Variants in LMAN2 observed in about 807,000 individuals in gnomAD.
LMAN2 encodes lectin, mannose binding 2, also known as vesicular integral-membrane protein VIP36.
A neutral mutation model predicts 39.3 loss-of-function variants in LMAN2; 22 were observed. The ratio of observed to expected loss-of-function variants is 0.56; its 90% CI spans 0.40 to 0.80. The LOEUF (loss-of-function observed/expected upper bound fraction) is 0.80, where lower values mean the gene tolerates loss of function less well. Ranked by LOEUF, LMAN2 falls within the 30% of genes least tolerant of loss-of-function variation. The probability of loss-of-function intolerance (pLI) is 0.00; values close to 1 mark genes in which losing one functional copy is unlikely to be tolerated. For missense variants in LMAN2, 494 were observed against 505.4 expected (o/e 0.98, Z 0.22); for synonymous variants, 207 against 207.8 (o/e 1.00, Z 0.03).
Position 177,337,893 on chromosome 5 carries a change from A to G in LMAN2, c.434-108T>C, listed in dbSNP as rs1761498638. The stretch of plus-strand genomic sequence containing the variant: ...GGGTGGGGGCAAGAGAGCCCAACCC[A>G]CTGGCCATTCACCGAGAGAGAAGGG... On this transcript the variant is annotated intron_variant, in intron 3 of 7. Coordinates refer to ENST00000303127, the MANE Select transcript of LMAN2 (RefSeq NM_006816.3). The surrounding 1 kb of genome is among the most constrained non-coding windows in gnomAD (Gnocchi z 8.2). The G allele has an allele frequency of 4.5e-6, 4 of 880,564 alleles. No homozygotes were observed. The highest frequency in any genetic ancestry group is 1.7e-5 in the African/African-American group (1 of 59,876). 54.5% of individuals were successfully genotyped at this position (880,564 alleles called of 1,614,324 possible).
At chr5:177,333,350 G>T (rs530672775) in intron 7 of LMAN2, among the ~76,000 whole-genome samples, 1 of 152,210 alleles carries the variant, frequency 6.6e-6, no homozygotes, top group African/African-American at 2.4e-5. Context: ...ATCTAAAAAC[G>T]AGTTCATCCT....
intron 2 of LMAN2, among the ~76,000 whole-genome samples, chr5:177,344,346 G>T (rs558515021): frequency 7.4e-6 from 1 of 136,020 alleles, no homozygotes; most frequent in African/African-American, 2.8e-5. Context: ...GTGCAGTGGC[G>T]TGATCTCAGC....
At chr5:177,334,167 G>C in intron 7 of LMAN2, 117 bp downstream of exon 7, 3 of 1,456,758 alleles carry the variant, frequency 2.1e-6, no homozygotes, top group African/African-American at 1.4e-5. Context: ...GCTGATCCAA[G>C]AGCCCAGACC....
chr5:177,340,105 C>T (rs552539019), intron 2 of LMAN2, among the ~76,000 whole-genome samples: 4 of 152,086 alleles, frequency 2.6e-5, no homozygotes, highest in Non-Finnish European at 4.4e-5. Flanking sequence ...CTTACTAAAA[C>T]TGATTCAAAG....
At chr5:177,334,515 C>G in intron 6 of LMAN2, 112 bp from the exon 7 acceptor site, 1 of 1,446,386 alleles carries the variant, frequency 6.9e-7, no homozygotes, top group South Asian at 1.4e-5. Flanking sequence ...CTGCCAGGCC[C>G]CTGGGGAGAG....
chr5:177,348,521 T>C (rs891820947), intron 2 of LMAN2, among the ~76,000 whole-genome samples: 2 of 151,730 alleles, frequency 1.3e-5, no homozygotes, highest in African/African-American at 4.8e-5. Context: ...ACCTCATCTC[T>C]ACTAAAAATA....
At position 177,332,011 on chromosome 5, in the gene LMAN2, C is replaced by G. The variant is rs1487653833; in HGVS notation, c.*75G>C. On this transcript the variant is annotated 3_prime_UTR_variant, in exon 8 of 8. Transcript: ENST00000303127. This position sits in a 1 kb window ranked among gnomAD's most constrained non-coding sequence, Gnocchi z 6.3. ...TAAGAAATAAGGTCATCTTGTTGTT[C>G]TTTTATAATCCCGGTAAAAAAAAAA... 1.4e-6 allele frequency: 2 copies of G among 1,397,812 alleles called. No individual in the cohort carries two copies. Among genetic ancestry groups the G allele is most frequent in the Non-Finnish European group, 1.9e-6 (2 of 1,028,680 alleles). The allele number at this position is 1,397,812 out of a possible 1,614,324, so 86.6% of individuals were successfully genotyped here.
intron 2 of LMAN2, among the ~76,000 whole-genome samples, chr5:177,340,726 T>C (rs1052937176): frequency 4.0e-5 from 6 of 151,548 alleles, no homozygotes; most frequent in African/African-American, 7.3e-5. Context: ...GCCGAGATTG[T>C]GCCACTGCAT....
At chr5:177,345,489 C>G (rs1054425019) in intron 2 of LMAN2, among the ~76,000 whole-genome samples, 1 of 151,928 alleles carries the variant, frequency 6.6e-6, no homozygotes, top group African/African-American at 2.4e-5. Flanking sequence ...AAAAACAACA[C>G]CCCTGAAGCC....
intron 2 of LMAN2, among the ~76,000 whole-genome samples, chr5:177,348,629 A>C (rs1393029495): frequency 7.0e-6 from 1 of 142,648 alleles, no homozygotes. Flanking sequence ...TGGAGGTTGC[A>C]GTGAGCTGAG....
intron 2 of LMAN2, among the ~76,000 whole-genome samples, chr5:177,348,099 G>A (rs1259443314): frequency 1.3e-5 from 2 of 152,042 alleles, no homozygotes; most frequent in South Asian, 2.1e-4. Context: ...ATCCAGATGG[G>A]GGTGGGGGGT....
intron 2 of LMAN2, among the ~76,000 whole-genome samples, chr5:177,349,966 A>C (rs920999152): frequency 2.6e-5 from 4 of 152,218 alleles, no homozygotes; most frequent in South Asian, 2.1e-4. Flanking sequence ...TGAGGCAAGA[A>C]GGCAGCCAGG....
Position 177,332,282 on chromosome 5 carries a change from C to T in LMAN2, c.911-36G>A, listed in dbSNP as rs1192588760. The T allele has an allele frequency of 1.2e-6, 2 of 1,600,140 alleles. No homozygotes were observed. Among genetic ancestry groups the T allele is most frequent in the Non-Finnish European group, 1.7e-6 (2 of 1,172,842 alleles). ...AGAAACGGGGGAGCTGAAACGGCAG[C>T]ACGGGCCGGGGATCAGGGGGCTGCA... On this transcript the variant is annotated intron_variant, in intron 7 of 7. Coordinates refer to ENST00000303127, the MANE Select transcript of LMAN2 (RefSeq NM_006816.3). This position sits in a 1 kb window ranked among gnomAD's most constrained non-coding sequence, Gnocchi z 6.3.
At position 177,346,708 on chromosome 5, in the gene LMAN2, C is replaced by A. The variant is rs375738128; in HGVS notation, c.315+4465G>T. Among the ~76,000 whole-genome samples the A allele has an allele frequency of 6.8e-4, 103 of 151,396 alleles. 1 individual carries two copies. In the South Asian group the frequency reaches 0.012, roughly 17 times the overall value. On this transcript the variant is annotated intron_variant, in intron 2 of 7. Transcript: ENST00000303127. ...TTTGAGATGGGGTCTTACTATGCTGCCTGGGCTGGTTTTGAACTCCTTGAC... is the reference window on the plus strand; with the variant it reads ...TTTGAGATGGGGTCTTACTATGCTGACTGGGCTGGTTTTGAACTCCTTGAC...
At chr5:177,350,951 G>A (rs1761712894) in intron 2 of LMAN2, among the ~76,000 whole-genome samples, 2 of 152,164 alleles carry the variant, frequency 1.3e-5, no homozygotes, top group African/African-American at 2.4e-5. Context: ...CATCTCGCAT[G>A]GCTTTTAAAG....
chr5:177,344,857 G>C (rs1475921632), intron 2 of LMAN2, among the ~76,000 whole-genome samples: 3 of 151,506 alleles, frequency 2.0e-5, no homozygotes, highest in South Asian at 4.2e-4. Flanking sequence ...GGTGAGCCGA[G>C]ATCGCGCCAC....
rs1581607998 is a variant in LMAN2, at chr5:177,351,251, G to A, written c.237C>T (p.Gly79=). ...SSSMPLWDFQ[G]STMLTSQYVR... ...CGTACTGGCTCGTGAGCATAGTGCT[G>A]CCCTGGAAGTCCCAGAGGGGCATAG... The change falls in exon 2 of 8, where the codon GGC becomes GGT. Residue 79 remains glycine (G), a synonymous_variant. Transcript: ENST00000303127. 2 of 1,614,152 alleles carry A rather than the reference G, an allele frequency of 1.2e-6. No individual in the cohort carries two copies. The highest frequency in any genetic ancestry group is 1.7e-4 in the Middle Eastern group (1 of 6,034).
chr5:177,332,029 A>T lies in LMAN2; in HGVS notation c.*57T>A, dbSNP rs933838421. ...TGTTGTTCTTTTATAATCCCGGTAA[A>T]AAAAAAAGTTCACATTGGCTCCTGG... On this transcript the variant is annotated 3_prime_UTR_variant, in exon 8 of 8. Coordinates refer to ENST00000303127, the MANE Select transcript of LMAN2 (RefSeq NM_006816.3). The surrounding 1 kb of genome is among the most constrained non-coding windows in gnomAD (Gnocchi z 6.3). 27 of 1,506,958 alleles carry T rather than the reference A, an allele frequency of 1.8e-5. No homozygotes were observed. Among genetic ancestry groups the T allele is most frequent in the Non-Finnish European group, 2.4e-5 (27 of 1,117,810 alleles). The allele number at this position is 1,506,958 out of a possible 1,614,324, so 93.3% of individuals were successfully genotyped here.
chr5:177,332,221 G>A lies in LMAN2; in HGVS notation c.936C>T (p.Asn312=), dbSNP rs780876482. Residue 312 remains asparagine, a synonymous_variant, in exon 8 of 8, where the codon AAC becomes AAT. Coordinates refer to ENST00000303127, the MANE Select transcript of LMAN2 (RefSeq NM_006816.3). The surrounding 1 kb of genome is among the most constrained non-coding windows in gnomAD (Gnocchi z 6.3). ...ACCCCGTCAGGGGCCCGCTGCGGAA[G>A]TTCCCCGTGGGGTCGTCCACGTTGT... ...PKDNVDDPTG[N]FRSGPLTGWR... is the part of the protein sequence containing the mutation. The A allele has an allele frequency of 6.2e-7, 1 of 1,612,930 alleles. No homozygotes were observed. Among genetic ancestry groups the A allele is most frequent in the Non-Finnish European group, 8.5e-7 (1 of 1,179,808 alleles).
Sources: allele counts gnomAD v4.1 joint callset (sites outside exome capture counted in the v4.1 genomes callset), GRCh38; gene constraint gnomAD v4.1.1; non-coding constraint Gnocchi (gnomAD v3.1); transcripts MANE v1.5; gene names NCBI Gene and HGNC (gene_info 2026-07-23, HGNC 2026-07-21).